The following TTN variants were observed in gnomAD, a reference collection of about 807,000 sequenced individuals.
The protein encoded by TTN is titin.
TTN carries 1,525 observed loss-of-function variants against 3,223.0 expected under a neutral mutation model. The ratio of observed to expected loss-of-function variants is 0.47; its 90% CI spans 0.45 to 0.49. TTN has a LOEUF of 0.49. Among genes scored for constraint, TTN ranks in the 20% least tolerant of loss-of-function variants. The pLI is 0.00. For missense variants in TTN, 40,786 were observed against 43,424.0 expected (o/e 0.94, Z 5.40); for synonymous variants, 14,094 against 15,161.0 (o/e 0.93, Z 5.17).
rs1438429191 is a variant in TTN, at chr2:178,718,106, T to A, written c.24900A>T (p.Glu8300Asp). ...TPEIRISWYK[E>D]HTKLRSAPAY... is the part of the protein sequence containing the mutation. ...CAGGAGCTGATCGTAGCTTTGTGTG[T>A]TCTTTATACCAAGAAATTCTAATTT... Residue 8300 changes from glutamate (E) to aspartate (D), a missense_variant, in exon 86 of 363, where the codon GAA becomes GAT. Coordinates refer to ENST00000589042, the MANE Select transcript of TTN (RefSeq NM_001267550.2). The A allele has an allele frequency of 6.2e-7, 1 of 1,612,730 alleles. No homozygotes were observed. Among genetic ancestry groups the A allele is most frequent in the South Asian group, 1.1e-5 (1 of 91,076 alleles).
At chr2:178,748,495 T>C (rs1574225289) in intron 47 of TTN, 2 of 1,613,108 alleles carry the variant, frequency 1.2e-6, no homozygotes, top group East Asian at 2.2e-5. Context: ...CCCTAGTTTC[T>C]TGCCCTTGGA....
At chr2:178,641,496 G>A (rs989617163) in intron 219 of TTN, 181 bp from the exon 220 acceptor site, 16 of 418,672 alleles carry the variant, frequency 3.8e-5, no homozygotes, top group Non-Finnish European at 6.3e-5. Context: ...TAAAATCAAA[G>A]GTTGTCAATT....
At position 178,649,240 on chromosome 2, in the gene TTN, G is replaced by T. The variant is rs1422752695; in HGVS notation, c.40057+8C>A. 6.7e-6 allele frequency: 10 copies of T among 1,497,842 alleles called. No individual in the cohort carries two copies. The highest frequency in any genetic ancestry group is 8.9e-6 in the Non-Finnish European group (10 of 1,128,140). 92.8% of individuals were successfully genotyped at this position (1,497,842 alleles called of 1,614,324 possible). On this transcript the variant is annotated splice_region_variant and intron_variant, in intron 213 of 362. Transcript: ENST00000589042. ...TAGAGAAATCTATTTTTTCTTCATGGTAGGTACCTTTTTCTGGAAGAACTT... is the reference window on the plus strand; with the variant it reads ...TAGAGAAATCTATTTTTTCTTCATGTTAGGTACCTTTTTCTGGAAGAACTT...
In TTN at chr2:178,613,279, G is replaced by A; in HGVS notation, c.49533-3C>T. 1 of 1,601,496 alleles carries A rather than the reference G, an allele frequency of 6.2e-7. No homozygotes were observed. Among genetic ancestry groups the A allele is most frequent in the Non-Finnish European group, 8.5e-7 (1 of 1,172,660 alleles). On this transcript the variant is annotated splice_region_variant and splice_polypyrimidine_tract_variant and intron_variant, in intron 263 of 362. Transcript: ENST00000589042. The stretch of plus-strand genomic sequence containing the variant: ...TCTTATTAGTGAGACCTTTCACTCT[G>A]AATTAGGAACAAAGTGCATGTGTAT...
chr2:178,775,554 T>C lies in TTN; in HGVS notation c.6310A>G (p.Lys2104Glu). ...TACCATTCACATTCGGGGTCTGGTT[T>C]CCCCACGACTCTGACCCGGAAGTGT... ...DAHFRVRVVG[K>E]PDPECEWYKN... Residue 2104 changes from lysine to glutamate, a missense_variant, in exon 28 of 363, where the codon AAA becomes GAA. By Grantham distance (56) the Lys-to-Glu change is moderately conservative. Coordinates refer to ENST00000589042, the MANE Select transcript of TTN (RefSeq NM_001267550.2). The C allele has an allele frequency of 1.2e-6, 2 of 1,614,016 alleles. No individual in the cohort carries two copies. Among genetic ancestry groups the C allele is most frequent in the Non-Finnish European group, 1.7e-6 (2 of 1,179,974 alleles).
intron 228 of TTN, 118 bp downstream of exon 228, chr2:178,635,046 CT>C: frequency 1.4e-6 from 2 of 1,469,094 alleles, no homozygotes; most frequent in Non-Finnish European, 1.8e-6. Flanking sequence ...TTCTTGGAGA[CT>C]TTAGAAGACT....
At position 178,634,427 on chromosome 2, in the gene TTN, A is replaced by G; in HGVS notation, c.42354T>C (p.Asp14118=). 6.2e-7 allele frequency: 1 copy of G among 1,613,084 alleles called. No homozygotes were observed. The highest frequency in any genetic ancestry group is 8.5e-7 in the Non-Finnish European group (1 of 1,179,474). The change falls in exon 230 of 363, where the codon GAT becomes GAC. Residue 14118 remains aspartate, a synonymous_variant. Transcript: ENST00000589042. The surrounding 1 kb of genome is among the most constrained non-coding windows in gnomAD (Gnocchi z 4.6). ...ILVINDSQFD[D]EGVYTAEVEG... is the part of the protein sequence containing the mutation. ...CCACCTCAGCAGTATAGACCCCTTCATCATCAAATTGAGAATCATTAATAA... is the reference window on the plus strand; with the variant it reads ...CCACCTCAGCAGTATAGACCCCTTCGTCATCAAATTGAGAATCATTAATAA...
rs1696707547 is a variant in TTN at position 178,545,610 on chromosome 2, C to A, written c.95500G>T (p.Asp31834Tyr). 6.2e-7 allele frequency: 1 copy of A among 1,613,802 alleles called. No individual in the cohort carries two copies. Among genetic ancestry groups the A allele is most frequent in the South Asian group, 1.1e-5 (1 of 91,070 alleles). The change falls in exon 344 of 363, where the codon GAT (aspartate) becomes TAT (tyrosine). Residue 31834 changes from aspartate (D) to tyrosine (Y), a missense_variant. Coordinates refer to ENST00000589042, the MANE Select transcript of TTN (RefSeq NM_001267550.2). Reference protein sequence around the residue: ...IIIQWTKPESDGGNEISNYLV... With the variant: ...IIIQWTKPESYGGNEISNYLV... ...TAGTTGCTGATTTCATTGCCACCAT[C>A]AGATTCAGGTTTTGTCCACTGAATG...
At position 178,562,092 on chromosome 2, in the gene TTN, A is replaced by C; in HGVS notation, c.84040T>G (p.Ser28014Ala). The change falls in exon 326 of 363, where the codon TCA (serine) becomes GCA (alanine). Residue 28014 changes from serine to alanine, a missense_variant. By Grantham distance (99) the Ser-to-Ala change is moderately conservative (BLOSUM62 1). Transcript: ENST00000589042. ...KETTRVNVSS[S>A]KTVTSLSIKE... ...ATAGATAGTGATGTTACAGTCTTTG[A>C]AGAAGAAACATTGACTCTAGTTGTC... 6.2e-7 allele frequency: 1 copy of C among 1,613,304 alleles called. No homozygotes were observed. Among genetic ancestry groups the C allele is most frequent in the South Asian group, 1.1e-5 (1 of 91,020 alleles).
rs1559618128 is a variant in TTN at position 178,593,873 on chromosome 2, G to A, written c.58433-6C>T. 15 of 1,504,230 alleles carry A rather than the reference G, an allele frequency of 1.0e-5. No individual in the cohort carries two copies. The highest frequency in any genetic ancestry group is 5.7e-5 in the Admixed American group (3 of 52,596). 93.2% of individuals were successfully genotyped at this position (1,504,230 alleles called of 1,614,324 possible). On this transcript the variant is annotated splice_region_variant and splice_polypyrimidine_tract_variant and intron_variant, in intron 297 of 362. Transcript: ENST00000589042. ...TACTGGTGGTCCAGGACGGTCTGCA[G>A]AAAAAAAAAATCATGGCACAAAATG...
intron 13 of TTN, among the ~76,000 whole-genome samples, chr2:178,788,173 C>T (rs1181941238): frequency 3.3e-5 from 5 of 152,022 alleles, no homozygotes; most frequent in African/African-American, 9.7e-5. Flanking sequence ...ACCTCCATAG[C>T]ATCAGTTTTC....
intron 137 of TTN, 84 bp downstream of exon 137, chr2:178,681,292 C>T: frequency 4.8e-6 from 7 of 1,456,064 alleles, no homozygotes; most frequent in South Asian, 1.2e-5. Flanking sequence ...AGCAAAAACA[C>T]AGACCATCAG....
chr2:178,714,581 A>G lies in TTN; in HGVS notation c.26201-8T>C, dbSNP rs1255582765. The G allele has an allele frequency of 6.3e-7, 1 of 1,580,496 alleles. No homozygotes were observed. Among genetic ancestry groups the G allele is most frequent in the Non-Finnish European group, 8.6e-7 (1 of 1,163,798 alleles). ...TCACAAATCTTGGTGGTGCTGATGA[A>G]AAAGGAGGAAAGCCTGGGTTTTAAA... On this transcript the variant is annotated splice_polypyrimidine_tract_variant and splice_region_variant and intron_variant, in intron 90 of 362. Transcript: ENST00000589042.
intron 92 of TTN, 165 bp downstream of exon 92, chr2:178,713,732 T>C: frequency 1.0e-6 from 1 of 980,200 alleles, no homozygotes; most frequent in Non-Finnish European, 1.5e-6. Flanking sequence ...CTTTTGAACA[T>C]GGTTTTCTTC....
In TTN at chr2:178,533,337, A is replaced by G. The variant is rs1365275751; in HGVS notation, c.103278T>C (p.Thr34426=). 1 of 1,613,610 alleles carries G rather than the reference A, an allele frequency of 6.2e-7. No homozygotes were observed. Among genetic ancestry groups the G allele is most frequent in the African/African-American group, 1.3e-5 (1 of 74,890 alleles). The change falls in exon 358 of 363, where the codon ACT becomes ACC. Residue 34426 remains threonine, a synonymous_variant. Coordinates refer to ENST00000589042, the MANE Select transcript of TTN (RefSeq NM_001267550.2). The stretch of plus-strand genomic sequence containing the variant: ...TATAATAACCCGTGTCTTCAGGCAA[A>G]GTGTCCCTGATGTGCAGAGCATAAT... ...LDYYALHIRD[T]LPEDTGYYRV...
In TTN at chr2:178,784,354, A is replaced by T. The variant is rs1484379624; in HGVS notation, c.2494-3T>A. 2.5e-6 allele frequency: 4 copies of T among 1,613,884 alleles called. No individual in the cohort carries two copies. Among genetic ancestry groups the T allele is most frequent in the Non-Finnish European group, 3.4e-6 (4 of 1,179,980 alleles). ...ATAGCACTACCGGCTATTGATGCCT[A>T]CATGGAAACAGAGTCAGAAAATAAA... On this transcript the variant is annotated splice_polypyrimidine_tract_variant and splice_region_variant and intron_variant, in intron 15 of 362. Transcript: ENST00000589042.
rs754869820 is a variant in TTN at position 178,776,048 on chromosome 2, A to T, written c.5816T>A (p.Leu1939His). 1 of 1,614,148 alleles carries T rather than the reference A, an allele frequency of 6.2e-7. No individual in the cohort carries two copies. Among genetic ancestry groups the T allele is most frequent in the South Asian group, 1.1e-5 (1 of 91,084 alleles). The change falls in exon 28 of 363, where the codon CTT becomes CAT. Residue 1939 changes from leucine to histidine, a missense_variant. Physicochemically the swap from Leu to His is moderately conservative, Grantham distance 99. Coordinates refer to ENST00000589042, the MANE Select transcript of TTN (RefSeq NM_001267550.2). ...AGGCCTTGGTTCAGGAGCTCTCCTA[A>T]GGACAGACCTAAAATCTTCCCTCTG... The part of the protein sequence containing the change: ...IQQREDFRSV[L>H]RRAPEPRPEF...
chr2:178,789,344 GAAC>G lies in TTN; in HGVS notation c.2076+13_2076+15del, dbSNP rs777562481. 6 of 1,612,706 alleles carry G rather than the reference GAAC, an allele frequency of 3.7e-6. No homozygotes were observed. The Admixed American group carries it at 8.3e-5, about 22-fold the overall frequency. On this transcript the variant is annotated intron_variant, in intron 13 of 362. Coordinates refer to ENST00000589042, the MANE Select transcript of TTN (RefSeq NM_001267550.2). The stretch of plus-strand genomic sequence containing the variant: ...ATTATAATAGGGGATTTCACACTTG[GAAC>G]AACAATAGTCACCTTTCCATGGGTA...
intron 215 of TTN, 32 bp downstream of exon 215, chr2:178,647,031 TA>T (rs891984477): frequency 1.2e-5 from 10 of 830,454 alleles, no homozygotes; most frequent in East Asian, 3.7e-5. Context: ...TTCAGGAGAT[TA>T]AAAAAATGTA....
Sources: gnomAD v4.1 joint callset for allele counts (sites outside exome capture counted in the v4.1 genomes callset) on GRCh38, gnomAD v4.1.1 for gene constraint, Gnocchi (gnomAD v3.1) non-coding constraint, MANE v1.5 for transcripts, NCBI Gene and HGNC (gene_info 2026-07-23, HGNC 2026-07-21) for gene names.